The following WIPI2 variants were observed in gnomAD, a reference collection of about 807,000 sequenced individuals.
WIPI2 encodes WD repeat domain, phosphoinositide interacting 2, also known as WD repeat domain phosphoinositide-interacting protein 2.
Under a neutral mutation model 52.3 loss-of-function variants are expected in WIPI2, and 28 were observed. The ratio of observed to expected loss-of-function variants is 0.54; its 90% CI spans 0.40 to 0.73. WIPI2 has a LOEUF of 0.73. WIPI2 is among the 30% of genes least tolerant of loss of function. The probability of loss-of-function intolerance (pLI) is 0.00; values close to 1 mark genes in which losing one functional copy is unlikely to be tolerated. For missense variants in WIPI2, 506 were observed against 602.9 expected (o/e 0.84, Z 1.68); for synonymous variants, 268 against 245.0 (o/e 1.09, Z -0.88).
chr7:5,192,171 C>G (rs114706315), intron 1 of WIPI2, among the ~76,000 whole-genome samples: 3,458 of 152,198 alleles, frequency 0.023, 126 homozygotes, highest in African/African-American at 0.078. Context: ...GACCAAAAGC[C>G]AGAACAACAA....
intron 3 of WIPI2, among the ~76,000 whole-genome samples, chr7:5,200,613 G>C (rs889589795): frequency 1.3e-5 from 2 of 152,028 alleles, no homozygotes; most frequent in Non-Finnish European, 2.9e-5. Flanking sequence ...GAGTGCAGTG[G>C]TGCCATCTTG....
chr7:5,226,649 C>T (rs113074731), intron 9 of WIPI2: 2 of 152,830 alleles, frequency 1.3e-5, no homozygotes, highest in African/African-American at 4.8e-5. Flanking sequence ...AAGAACATCC[C>T]ACTCAGACCA....
At chr7:5,203,774 C>G (rs1462094027) in intron 3 of WIPI2, among the ~76,000 whole-genome samples, 3 of 147,336 alleles carry the variant, frequency 2.0e-5, no homozygotes, top group Non-Finnish European at 3.0e-5. Flanking sequence ...CGCCACCATG[C>G]CCGGCTGATT....
In WIPI2 at chr7:5,227,216, C is replaced by A. The variant is rs779801986; in HGVS notation, c.885C>A (p.Phe295Leu). The A allele has an allele frequency of 2.5e-6, 4 of 1,613,982 alleles. No homozygotes were observed. In the East Asian group the frequency reaches 6.7e-5, roughly 27 times the overall value. ...AGCCCACCACCTGGACCGGGTACTT[C>A]GGGAAAGTGCTCATGGCCTCCACCA... ...PEEPTTWTGY[F>L]GKVLMASTSY... Residue 295 changes from phenylalanine (F) to leucine (L), a missense_variant, in exon 10 of 13, where the codon TTC becomes TTA. By Grantham distance (22) the Phe-to-Leu change is conservative. This residue lies in a region of WIPI2 where 237 missense variants were observed against 346.9 expected (regional missense o/e 0.68). Transcript: ENST00000288828. The surrounding 1 kb of genome is among the most constrained non-coding windows in gnomAD (Gnocchi z 8.1).
chr7:5,226,190 C>A, intron 9 of WIPI2: 1 of 443,852 alleles, frequency 2.3e-6, no homozygotes, highest in Non-Finnish European at 4.1e-6. Flanking sequence ...CCCAGGTGGA[C>A]ATCCTTTTGT....
chr7:5,227,990 T>G lies in WIPI2; in HGVS notation c.1014-114T>G, dbSNP rs1441277084. On this transcript the variant is annotated intron_variant, in intron 10 of 12. Transcript: ENST00000288828. The surrounding 1 kb of genome is among the most constrained non-coding windows in gnomAD (Gnocchi z 8.1). ...GGGCGCCAGACACCTGCAGCTGCCC[T>G]TGTGCTCATCTTGCTGGGGTCTCTT... 9 of 951,402 alleles carry G rather than the reference T, an allele frequency of 9.5e-6. No individual in the cohort carries two copies. The highest frequency in any genetic ancestry group is 1.5e-5 in the Non-Finnish European group (9 of 605,716). The allele number at this position is 951,402 out of a possible 1,614,324, so 58.9% of individuals were successfully genotyped here.
chr7:5,225,897 T>C lies in WIPI2; in HGVS notation c.815T>C (p.Val272Ala). The change falls in exon 9 of 13, where the codon GTG becomes GCG. Residue 272 changes from valine (V) to alanine (A), a missense_variant. Coordinates refer to ENST00000288828, the MANE Select transcript of WIPI2 (RefSeq NM_015610.4). ...FLSASSNTET[V>A]HIFKLETVKE... ...TCCGCCTCCAGCAACACTGAGACCG[T>C]GCACATCTTCAAACTCGAGACTGTG... 1 of 1,613,982 alleles carries C rather than the reference T, an allele frequency of 6.2e-7. No homozygotes were observed. The highest frequency in any genetic ancestry group is 8.5e-7 in the Non-Finnish European group (1 of 1,180,012).
At chr7:5,229,566 C>G in intron 11 of WIPI2, 42 bp from the exon 12 acceptor site, 3 of 1,598,012 alleles carry the variant, frequency 1.9e-6, no homozygotes, top group Non-Finnish European at 2.6e-6. Context: ...GCAGGGCTGC[C>G]CTGTGTGGAG....
intron 1 of WIPI2, chr7:5,190,743 C>T (rs1371766318): frequency 5.6e-6 from 2 of 359,876 alleles, no homozygotes; most frequent in Non-Finnish European, 9.9e-6. Context: ...TGCTTTCACC[C>T]TCTTGCGGGG....
Position 5,190,385 on chromosome 7 carries a change from CT to C in WIPI2, c.-34del. ...CCTGACCCGCCCTCGCGCGCGCGCC[CT>C]CCCCGGCCGGGCCCACTCGCCGCGC... On this transcript the variant is annotated 5_prime_UTR_variant, in exon 1 of 13. Transcript: ENST00000288828. The C allele has an allele frequency of 7.5e-7, 1 of 1,331,296 alleles. No homozygotes were observed. Among genetic ancestry groups the C allele is most frequent in the Non-Finnish European group, 9.6e-7 (1 of 1,037,826 alleles). 82.5% of individuals were successfully genotyped at this position (1,331,296 alleles called of 1,614,324 possible). A position where few individuals can be genotyped will look rare whatever the true frequency, so the allele number is the denominator to read the frequency against.
chr7:5,211,667 C>T (rs1054295080), intron 3 of WIPI2, among the ~76,000 whole-genome samples: 7 of 151,996 alleles, frequency 4.6e-5, no homozygotes, highest in African/African-American at 1.7e-4. Flanking sequence ...GTGGAGAGGC[C>T]AGTGGATTTA....
At chr7:5,199,702 A>G (rs778320143) in intron 3 of WIPI2, 44 bp downstream of exon 3, 2 of 1,542,310 alleles carry the variant, frequency 1.3e-6, no homozygotes, top group African/African-American at 1.4e-5. Flanking sequence ...AAAAAAAAAA[A>G]AAGTTGTACT....
intron 3 of WIPI2, 31 bp from the exon 4 acceptor site, chr7:5,214,504 T>G: frequency 6.2e-7 from 1 of 1,614,186 alleles, no homozygotes; most frequent in Non-Finnish European, 8.5e-7. Flanking sequence ...TGTGGAGATG[T>G]TCACGCATGT....
At chr7:5,217,549 G>A (rs554529835) in intron 6 of WIPI2, 40 of 393,250 alleles carry the variant, frequency 1.0e-4, no homozygotes, top group Non-Finnish European at 8.1e-5. Flanking sequence ...CTCCCGCCTC[G>A]GCCCCCTAAA....
At chr7:5,215,453 T>C (rs1355314171) in intron 4 of WIPI2, among the ~76,000 whole-genome samples, 2 of 152,390 alleles carry the variant, frequency 1.3e-5, no homozygotes, top group East Asian at 3.9e-4. Flanking sequence ...GGGTGGCATG[T>C]GTGCGTGTTT....
intron 5 of WIPI2, 90 bp from the exon 6 acceptor site, chr7:5,217,000 T>G (rs1224678495): frequency 1.8e-5 from 23 of 1,308,544 alleles, no homozygotes; most frequent in African/African-American, 2.9e-5. Context: ...TTCCTAATGC[T>G]CTGTTAAATG....
chr7:5,199,432 A>C, intron 2 of WIPI2, 144 bp from the exon 3 acceptor site: 1 of 653,872 alleles, frequency 1.5e-6, no homozygotes, highest in Admixed American at 2.9e-5. Flanking sequence ...TGATACAAAC[A>C]GTGTGAAATG....
chr7:5,219,509 C>T (rs1419722199), intron 7 of WIPI2, among the ~76,000 whole-genome samples: 1 of 152,070 alleles, frequency 6.6e-6, no homozygotes, highest in East Asian at 1.9e-4. Context: ...ATGGAATGCT[C>T]TCATCTGTGG....
chr7:5,193,200 A>G, intron 2 of WIPI2, 29 bp downstream of exon 2: 1 of 1,611,574 alleles, frequency 6.2e-7, no homozygotes, highest in Non-Finnish European at 8.5e-7. Context: ...TTCTGAAAGT[A>G]TCACCTTGGA....
Sources: allele counts gnomAD v4.1 joint callset (sites outside exome capture counted in the v4.1 genomes callset), GRCh38; gene constraint gnomAD v4.1.1; regional missense constraint gnomAD v4.1.1; non-coding constraint Gnocchi (gnomAD v3.1); transcripts MANE v1.5; gene names NCBI Gene and HGNC (gene_info 2026-07-23, HGNC 2026-07-21).